IL3RA: variants seen among roughly 807,000 people sequenced by gnomAD.
IL3RA encodes the protein interleukin 3 receptor subunit alpha, also known as interleukin-3 receptor subunit alpha.
IL3RA carries 73 observed loss-of-function variants against 52.3 expected under a neutral mutation model. That is an observed-to-expected ratio of 1.40 (90% CI 1.16 to 1.70). IL3RA has a LOEUF of 1.70. Ranked by LOEUF, IL3RA falls within the 40% of genes most tolerant of loss-of-function variation. The pLI, the probability that IL3RA is intolerant of heterozygous loss-of-function variation, is 0.00. For missense variants in IL3RA, 664 were observed against 504.4 expected (o/e 1.32, Z -3.03); for synonymous variants, 260 against 194.0 (o/e 1.34, Z -2.83).
At position 1,382,670 on chromosome X, in the gene IL3RA, A is replaced by ATT. The variant is rs35294981; in HGVS notation, c.*217_*218dup. 11,447 of 529,182 alleles carry ATT rather than the reference A, an allele frequency of 0.022. 128 individuals carry two copies. The highest frequency in any genetic ancestry group is 0.076 in the African/African-American group (3,816 of 50,446). 32.8% of individuals were successfully genotyped at this position (529,182 alleles called of 1,614,324 possible). On this transcript the variant is annotated 3_prime_UTR_variant, in exon 12 of 12. Coordinates refer to ENST00000331035, the MANE Select transcript of IL3RA (RefSeq NM_002183.4). ...TGTGTGTTTATTTCATGATAAAGTG[A>ATT]TTTTTTTTTTTTTAACCCACTCACT...
At chrX:1,341,939 G>C in intron 2 of IL3RA, 110 bp downstream of exon 2, 1 of 1,111,548 alleles carries the variant, frequency 9.0e-7, no homozygotes, top group Non-Finnish European at 1.4e-6. Context: ...TGAGCTCATG[G>C]CAGAGTCTCA....
chrX:1,343,017 G>A (rs1478698194), intron 2 of IL3RA, among the ~76,000 whole-genome samples: 5 of 151,798 alleles, frequency 3.3e-5, no homozygotes, highest in African/African-American at 1.2e-4. Context: ...GGAGGTTGCA[G>A]TGAGCCTAGA....
At chrX:1,342,128 T>C (rs778629013) in intron 2 of IL3RA, among the ~76,000 whole-genome samples, 3 of 152,076 alleles carry the variant, frequency 2.0e-5, no homozygotes, top group Non-Finnish European at 2.9e-5. Flanking sequence ...AATAACAATT[T>C]CCAGTTTCCT....
At chrX:1,345,892 C>G (rs1357707773) in intron 3 of IL3RA, among the ~76,000 whole-genome samples, 3 of 151,982 alleles carry the variant, frequency 2.0e-5, no homozygotes, top group Non-Finnish European at 4.4e-5. Flanking sequence ...GGTTTCTGCC[C>G]CGAAGTCAGG....
intron 2 of IL3RA, among the ~76,000 whole-genome samples, chrX:1,345,006 CAAAAAA>C (rs59723587): frequency 4.3e-5 from 6 of 138,732 alleles, no homozygotes; most frequent in African/African-American, 8.0e-5. Flanking sequence ...ACTAAAAATA[CAAAAAA>C]AAAAAAATTA....
At chrX:1,364,790 TTTTATTTA>T (rs1556635676) in intron 8 of IL3RA, among the ~76,000 whole-genome samples, 5 of 141,710 alleles carry the variant, frequency 3.5e-5, no homozygotes, top group Admixed American at 7.1e-5. Flanking sequence ...TCTTTTCTTC[TTTTATTTA>T]TTTATTTATT....
chrX:1,357,086 G>A (rs2086792912), intron 7 of IL3RA, among the ~76,000 whole-genome samples: 1 of 151,824 alleles, frequency 6.6e-6, no homozygotes, highest in Non-Finnish European at 1.5e-5. Context: ...CCGAGTAGCT[G>A]GGATTATGGG....
intron 1 of IL3RA, among the ~76,000 whole-genome samples, chrX:1,340,440 C>T (rs1281382948): frequency 5.3e-5 from 8 of 152,082 alleles, no homozygotes; most frequent in Admixed American, 1.3e-4. Context: ...CAAAAGGGAA[C>T]GGCTGACACA....
chrX:1,348,433 A>G lies in IL3RA; in HGVS notation c.186A>G (p.Ala62=). The change falls in exon 4 of 12, where the codon GCA becomes GCG. Residue 62 remains alanine (A), a splice_region_variant and synonymous_variant. Transcript: ENST00000331035. The part of the protein sequence containing the change: ...CVKDADYSMP[A]VNNSYCQFGA... ...TCATAGTCCTATGTCTCTCTTAGGC[A>G]GTGAACAATAGCTATTGCCAGTTTG... 5 of 1,610,618 alleles carry G rather than the reference A, an allele frequency of 3.1e-6. No homozygotes were observed. The highest frequency in any genetic ancestry group is 4.2e-6 in the Non-Finnish European group (5 of 1,176,796).
At chrX:1,362,054 GTCTC>G (rs373817571) in intron 8 of IL3RA, among the ~76,000 whole-genome samples, 52 of 150,530 alleles carry the variant, frequency 3.5e-4, no homozygotes, top group Middle Eastern at 3.4e-3. Flanking sequence ...TTGTATCTCT[GTCTC>G]TCTCTCTCTG....
chrX:1,364,776 C>T, intron 8 of IL3RA, among the ~76,000 whole-genome samples: 1 of 144,474 alleles, frequency 6.9e-6, no homozygotes, highest in African/African-American at 2.5e-5. Flanking sequence ...TAGCACCCAG[C>T]CCCTCTTTTC....
At chrX:1,346,630 AAAAAC>A (rs1184385841) in intron 3 of IL3RA, among the ~76,000 whole-genome samples, 1 of 151,124 alleles carries the variant, frequency 6.6e-6, no homozygotes, top group African/African-American at 2.5e-5. Context: ...AAACAAAAGC[AAAAAC>A]AAAACAAAAG....
Position 1,377,751 on chromosome X carries a change from G to A in IL3RA, c.875-908G>A, listed in dbSNP as rs190475865. On this transcript the variant is annotated intron_variant, in intron 9 of 11. Coordinates refer to ENST00000331035, the MANE Select transcript of IL3RA (RefSeq NM_002183.4). ...CGCGATCACGGCTCACTGTAGCCTC[G>A]ACCTCCTGGGCTCAAGCGATCCTCT... 5.2e-4 allele frequency among the ~76,000 whole-genome samples: 77 copies of A among 148,692 alleles called. 1 individual carries two copies. Among genetic ancestry groups the A allele is most frequent in the Admixed American group, 4.6e-3 (69 of 14,910 alleles).
At chrX:1,364,794 ATTTAT>A (rs1283217131) in intron 8 of IL3RA, among the ~76,000 whole-genome samples, 1 of 122,944 alleles carries the variant, frequency 8.1e-6, no homozygotes, top group African/African-American at 2.8e-5. Context: ...TTCTTCTTTT[ATTTAT>A]TTATTTATTT....
rs779763395 is a variant in IL3RA, at chrX:1,343,981, C to T, written c.65-1335C>T. On this transcript the variant is annotated intron_variant, in intron 2 of 11. Coordinates refer to ENST00000331035, the MANE Select transcript of IL3RA (RefSeq NM_002183.4). ...CAACTAATTTTTGTATTTTTAGTCG[C>T]GACGGGGTTTCACCGTGTTAGCCAG... Among the ~76,000 whole-genome samples the T allele has an allele frequency of 2.2e-4, 33 of 151,524 alleles. No individual in the cohort carries two copies. In the South Asian group the frequency reaches 5.2e-3, roughly 24 times the overall value.
intron 3 of IL3RA, among the ~76,000 whole-genome samples, chrX:1,346,824 A>G (rs1352307545): frequency 6.6e-6 from 1 of 151,196 alleles, no homozygotes. Flanking sequence ...CTGAGAACCT[A>G]TTTGGTCCCC....
chrX:1,368,605 G>A (rs1201842838), intron 9 of IL3RA, among the ~76,000 whole-genome samples: 1 of 152,134 alleles, frequency 6.6e-6, no homozygotes, highest in Non-Finnish European at 1.5e-5. Flanking sequence ...GGCGATTAAG[G>A]TAAAATGAGG....
At chrX:1,367,746 G>GGGGTGAGCGGGGTGCGCC (rs1307464516) in intron 9 of IL3RA, among the ~76,000 whole-genome samples, 11 of 125,780 alleles carry the variant, frequency 8.7e-5, no homozygotes, top group Admixed American at 4.7e-4. Flanking sequence ...CGGGGTGCGC[G>GGGGTGAGCGGGGTGCGCC]GGGTGAGCGG....
chrX:1,348,592 T>C, intron 4 of IL3RA, 47 bp downstream of exon 4: 1 of 1,336,932 alleles, frequency 7.5e-7, no homozygotes, highest in Non-Finnish European at 1.1e-6. Flanking sequence ...CCCTCCCTCC[T>C]TCCCTCTCTC....
Sources: allele counts gnomAD v4.1 joint callset (sites outside exome capture counted in the v4.1 genomes callset), GRCh38; gene constraint gnomAD v4.1.1; transcripts MANE v1.5; gene names NCBI Gene and HGNC (gene_info 2026-07-23, HGNC 2026-07-21).